The following ZNF721 variants were observed in gnomAD, a reference collection of about 807,000 sequenced individuals.
ZNF721 encodes the protein zinc finger protein 721.
In ZNF721, 2 loss-of-function variants were observed where a neutral mutation model predicts 2.4. The observed-to-expected ratio is 0.82, with a 90% CI of 0.34 to 2.58. The LOEUF (loss-of-function observed/expected upper bound fraction) is 2.58, where lower values mean the gene tolerates loss of function less well. Ranked by LOEUF, ZNF721 falls within the 30% of genes most tolerant of loss-of-function variation. The pLI, the probability that ZNF721 is intolerant of heterozygous loss-of-function variation, is 0.11. For synonymous variants in ZNF721, 398 were observed against 381.8 expected (o/e 1.04, Z -0.50); for missense variants, 1,187 against 1,085.5 (o/e 1.09, Z -1.31).
At chr4:474,142 C>G in intron 1 of ZNF721, 1 of 826,008 alleles carries the variant, frequency 1.2e-6, no homozygotes, top group Non-Finnish European at 1.7e-6. Flanking sequence ...GCTGAAGCAA[C>G]AGGCCAAGGC....
At position 442,956 on chromosome 4, in the gene ZNF721, A is replaced by G; in HGVS notation, c.1511T>C (p.Leu504Ser). Residue 504 changes from leucine to serine, a missense_variant, in exon 3 of 3, where the codon TTA (leucine) becomes TCA (serine). Coordinates refer to ENST00000511833, the MANE Select transcript of ZNF721 (RefSeq NM_133474.4). ...IHTGEKPFEC[L>S]ECGKAFTSST... ...ACTAGTAAACGCTTTACCACATTCT[A>G]AACATTCAAAGGGTTTCTCGCCAGT... 1.2e-6 allele frequency: 2 copies of G among 1,613,384 alleles called. No individual in the cohort carries two copies. Among genetic ancestry groups the G allele is most frequent in the Non-Finnish European group, 1.7e-6 (2 of 1,179,770 alleles).
At chr4:496,230 C>T (rs1393821220) in intron 1 of ZNF721, among the ~76,000 whole-genome samples, 5 of 152,116 alleles carry the variant, frequency 3.3e-5, no homozygotes, top group South Asian at 4.1e-4. Context: ...CGGATTTCGC[C>T]AAGTCAGAAT....
intron 2 of ZNF721, among the ~76,000 whole-genome samples, chr4:465,442 T>G (rs980386823): frequency 1.4e-4 from 21 of 151,596 alleles, no homozygotes; most frequent in Admixed American, 3.9e-4. Context: ...TTTGTTTTTT[T>G]TTTTTTTGAG....
At position 472,699 on chromosome 4, in the gene ZNF721, T is replaced by C. The variant is rs1553867947; in HGVS notation, c.-91A>G. 1 of 1,611,664 alleles carries C rather than the reference T, an allele frequency of 6.2e-7. No homozygotes were observed. The highest frequency in any genetic ancestry group is 1.1e-5 in the South Asian group (1 of 90,568). ...TGGCCACATCCCTGAATGTTAAGGG[T>C]TCCTGAAAATACATATGTATCAAGT... On this transcript the variant is annotated splice_region_variant and 5_prime_UTR_variant, in exon 2 of 3. Coordinates refer to ENST00000511833, the MANE Select transcript of ZNF721 (RefSeq NM_133474.4).
intron 1 of ZNF721, 127 bp from the exon 2 acceptor site, chr4:472,828 GT>G: frequency 8.0e-7 from 1 of 1,257,716 alleles, no homozygotes. Flanking sequence ...ACACAGTAAT[GT>G]TCTCTAAAGT....
In ZNF721 at chr4:487,519, G is replaced by A. The variant is rs1715926134; in HGVS notation, c.-94+11537C>T. ...AAATTTCTAACCAGCTCAATCCTGA[G>A]CTAGTATGTTTTGGGATTGTTTGTT... On this transcript the variant is annotated intron_variant, in intron 1 of 2. Transcript: ENST00000511833. Among the ~76,000 whole-genome samples the A allele has an allele frequency of 2.0e-5, 3 of 152,264 alleles. No homozygotes were observed. In the South Asian group the frequency reaches 6.2e-4, roughly 32 times the overall value.
At chr4:482,717 G>A (rs1257286192) in intron 1 of ZNF721, among the ~76,000 whole-genome samples, 10 of 149,842 alleles carry the variant, frequency 6.7e-5, no homozygotes, top group Admixed American at 6.7e-5. Flanking sequence ...GGCTGGTCTC[G>A]ATCTCTTGAC....
At position 482,785 on chromosome 4, in the gene ZNF721, G is replaced by A. The variant is rs181124464; in HGVS notation, c.-93-10084C>T. Among the ~76,000 whole-genome samples the A allele has an allele frequency of 2.6e-4, 39 of 152,266 alleles. No homozygotes were observed. The East Asian group carries it at 4.8e-3, about 19-fold the overall frequency. ...GCTGGGATTACAGGTGTGAGCCACC[G>A]CGCTTGGCCTTATTCATCAAGTTTT... On this transcript the variant is annotated intron_variant, in intron 1 of 2. Coordinates refer to ENST00000511833, the MANE Select transcript of ZNF721 (RefSeq NM_133474.4).
Position 453,079 on chromosome 4 carries a change from C to G in ZNF721, c.35-8647G>C, listed in dbSNP as rs915032159. Among the ~76,000 whole-genome samples, 8 of 152,198 alleles carry G rather than the reference C, an allele frequency of 5.3e-5. No individual in the cohort carries two copies. The East Asian group carries it at 1.5e-3, about 29-fold the overall frequency. On this transcript the variant is annotated intron_variant, in intron 2 of 2. Coordinates refer to ENST00000511833, the MANE Select transcript of ZNF721 (RefSeq NM_133474.4). ...AAAACTAAGCCCAGAGGACCAGAAACATGCCTGGTTTACTAATGGACCACC... is the reference window on the plus strand; with the variant it reads ...AAAACTAAGCCCAGAGGACCAGAAAGATGCCTGGTTTACTAATGGACCACC...
At chr4:465,635 T>C (rs1715222812) in intron 2 of ZNF721, among the ~76,000 whole-genome samples, 1 of 152,018 alleles carries the variant, frequency 6.6e-6, no homozygotes, top group African/African-American at 2.4e-5. Context: ...GTTTCCACCA[T>C]GTTAGCCAGG....
rs1307552733 is a variant in ZNF721 at position 440,552 on chromosome 4, C to A, written c.*1143G>T. On this transcript the variant is annotated 3_prime_UTR_variant, in exon 3 of 3. Coordinates refer to ENST00000511833, the MANE Select transcript of ZNF721 (RefSeq NM_133474.4). Reference sequence around the variant, plus strand: ...AGTCTGAAGTGTTAGTTCCTTAGTTCTTTCTACTGTAAATCCTCTGATGTT... The same window carrying A: ...AGTCTGAAGTGTTAGTTCCTTAGTTATTTCTACTGTAAATCCTCTGATGTT... The A allele has an allele frequency of 1.3e-5, 2 of 152,130 alleles. No individual in the cohort carries two copies. Among genetic ancestry groups the A allele is most frequent in the African/African-American group, 4.8e-5 (2 of 41,454 alleles). The allele number at this position is 152,130 out of a possible 1,614,324, so 9.4% of individuals were successfully genotyped here.
chr4:478,874 A>C, intron 1 of ZNF721, among the ~76,000 whole-genome samples: 1 of 150,612 alleles, frequency 6.6e-6, no homozygotes, highest in East Asian at 2.0e-4. Context: ...GGTTCAAGCG[A>C]TTCTCCTGCC....
chr4:450,949 AAAAAAAAATATATATATATAT>A (rs1576955143), intron 2 of ZNF721, among the ~76,000 whole-genome samples: 2 of 46,944 alleles, frequency 4.3e-5, no homozygotes, highest in Admixed American at 2.8e-4. Context: ...AAAAAAAAAA[AAAAAAAAATATATATATATAT>A]ATATATATAT....
At chr4:497,195 A>G (rs1274424289) in intron 1 of ZNF721, among the ~76,000 whole-genome samples, 6 of 151,824 alleles carry the variant, frequency 4.0e-5, no homozygotes, top group Admixed American at 3.9e-4. Flanking sequence ...GCCTTCCTTG[A>G]TGAAGCGAGT....
At position 444,288 on chromosome 4, in the gene ZNF721, T is replaced by G. The variant is rs782148616; in HGVS notation, c.179A>C (p.Lys60Thr). 6.2e-7 allele frequency: 1 copy of G among 1,614,124 alleles called. No homozygotes were observed. Among genetic ancestry groups the G allele is most frequent in the South Asian group, 1.1e-5 (1 of 91,072 alleles). The change falls in exon 3 of 3, where the codon AAA (lysine) becomes ACA (threonine). Residue 60 changes from lysine to threonine, a missense_variant. Lys to Thr is a moderately conservative substitution (Grantham distance 78). Transcript: ENST00000511833. The stretch of plus-strand genomic sequence containing the variant: ...TCCATTATAAACTCCCTTCTGCACT[T>G]TACACACGTTCATACTTTTACAGCC... ...RKGCKSMNVCKVQKGVYNGIN... is the reference protein window; with the variant it reads ...RKGCKSMNVCTVQKGVYNGIN...
intron 1 of ZNF721, among the ~76,000 whole-genome samples, chr4:475,529 C>T (rs748120178): frequency 4.8e-4 from 73 of 152,148 alleles, no homozygotes; most frequent in Non-Finnish European, 9.0e-4. Context: ...CAACCTAATG[C>T]TCTATGGTCA....
chr4:457,818 G>GC lies in ZNF721; in HGVS notation c.35-13387dup, dbSNP rs556322846. Among the ~76,000 whole-genome samples, 32 of 152,282 alleles carry GC rather than the reference G, an allele frequency of 2.1e-4. 1 individual carries two copies. The South Asian group carries it at 6.4e-3, about 31-fold the overall frequency. Reference sequence around the variant, plus strand: ...CCTGCCAAAAGACACACCTGTATGTGCCCCTGTAGGCATGCTGACTTTATT... The same window carrying GC: ...CCTGCCAAAAGACACACCTGTATGTGCCCCCTGTAGGCATGCTGACTTTATT... On this transcript the variant is annotated intron_variant, in intron 2 of 2. Transcript: ENST00000511833.
chr4:483,915 G>A (rs560284461), intron 1 of ZNF721, among the ~76,000 whole-genome samples: 11 of 152,208 alleles, frequency 7.2e-5, no homozygotes, highest in East Asian at 1.9e-4. Flanking sequence ...GGATTCAAGC[G>A]ATTCTCCTGC....
chr4:485,739 G>A (rs577701359), intron 1 of ZNF721, among the ~76,000 whole-genome samples: 1 of 152,154 alleles, frequency 6.6e-6, no homozygotes, highest in Non-Finnish European at 1.5e-5. Flanking sequence ...ACTTTGGGAG[G>A]CCGAGGCGGG....
Sources: gnomAD v4.1 joint callset for allele counts (sites outside exome capture counted in the v4.1 genomes callset) on GRCh38, gnomAD v4.1.1 for gene constraint, MANE v1.5 for transcripts, NCBI Gene and HGNC (gene_info 2026-07-23, HGNC 2026-07-21) for gene names.